Variants in HNRNPA3 observed in about 807,000 individuals in gnomAD.
HNRNPA3 encodes the protein heterogeneous nuclear ribonucleoprotein A3, also known as epididymis secretory sperm binding protein.
In HNRNPA3, 3 loss-of-function variants were observed where a neutral mutation model predicts 45.8. That is an observed-to-expected ratio of 0.07 (90% CI 0.03 to 0.17). The LOEUF is 0.17. HNRNPA3 is among the 10% of genes least tolerant of loss of function. The pLI, the probability that HNRNPA3 is intolerant of heterozygous loss-of-function variation, is 1.00. For missense variants in HNRNPA3, 183 were observed against 480.3 expected, an observed-to-expected ratio of 0.38 and a Z score of 5.79; for synonymous variants, 170 against 155.6, an observed-to-expected ratio of 1.09 and a Z score of -0.69.
intron 8 of HNRNPA3, among the ~76,000 whole-genome samples, chr2:177,218,104 C>G (rs1196588521): frequency 7.3e-6 from 1 of 137,336 alleles, no homozygotes; most frequent in Non-Finnish European, 1.5e-5. Context: ...CTCTGTTGCC[C>G]AGGCTGGAGT....
At chr2:177,223,373 T>C (rs1285981132), downstream of HNRNPA3, 1 of 152,032 alleles carries the variant, frequency 6.6e-6, no homozygotes, top group Non-Finnish European at 1.5e-5. Flanking sequence ...AAAACTACAG[T>C]ATTCTCAGAA....
At chr2:177,213,629 C>G (rs113272564) in intron 1 of HNRNPA3, among the ~76,000 whole-genome samples, 137 of 152,370 alleles carry the variant, frequency 9.0e-4, no homozygotes, top group Non-Finnish European at 1.6e-3. Flanking sequence ...GGGCGAAGGA[C>G]TTAATTTTTG....
At position 177,216,783 on chromosome 2, in the gene HNRNPA3, A is replaced by G. The variant is rs1688959247; in HGVS notation, c.739+12A>G. On this transcript the variant is annotated intron_variant, in intron 6 of 10. Coordinates refer to ENST00000392524, the Ensembl canonical transcript of HNRNPA3. Reference sequence around the variant, plus strand: ...CTTTGGTGGAAGAGGTAGGCTGTTTATCTTCTAAGTACATGGATACCTGAC... The same window carrying G: ...CTTTGGTGGAAGAGGTAGGCTGTTTGTCTTCTAAGTACATGGATACCTGAC... 1.2e-6 allele frequency: 2 copies of G among 1,614,116 alleles called. No individual in the cohort carries two copies. The highest frequency in any genetic ancestry group is 8.5e-7 in the Non-Finnish European group (1 of 1,179,978).
chr2:177,219,207 A>G, intron 9 of HNRNPA3, 40 bp from the exon 10 acceptor site: 2 of 1,610,498 alleles, frequency 1.2e-6, no homozygotes, highest in Non-Finnish European at 1.7e-6. Flanking sequence ...TAATTTAAAA[A>G]ATGTGCATAC....
chr2:177,213,787 A>G (rs1574236722), intron 1 of HNRNPA3, among the ~76,000 whole-genome samples: 2 of 152,356 alleles, frequency 1.3e-5, no homozygotes, highest in South Asian at 4.1e-4. Flanking sequence ...CCATTCTTTG[A>G]GTCGGCTCTG....
chr2:177,217,514 A>G (rs1268959030), intron 7 of HNRNPA3, among the ~76,000 whole-genome samples, 191 bp from the exon 8 acceptor site: 1 of 152,240 alleles, frequency 6.6e-6, no homozygotes, highest in Non-Finnish European at 1.5e-5. Context: ...CCCATAGTCT[A>G]GCTACTCAGG....
intron 7 of HNRNPA3, 41 bp downstream of exon 7, chr2:177,216,981 TC>T (rs760067853): frequency 2.4e-5 from 34 of 1,430,736 alleles, no homozygotes; most frequent in Non-Finnish European, 3.0e-5. Context: ...ATTTTAACTT[TC>T]TTTACTTATT....
At chr2:177,217,939 C>G (rs747834971) in intron 8 of HNRNPA3, 94 bp downstream of exon 8, 1 of 1,217,172 alleles carries the variant, frequency 8.2e-7, no homozygotes, top group Non-Finnish European at 1.1e-6. Flanking sequence ...AGCGTTTGAT[C>G]AAATTTTATG....
intron 3 of HNRNPA3, 33 bp downstream of exon 3, chr2:177,215,929 ATTG>A (rs748310743): frequency 5.6e-6 from 9 of 1,596,332 alleles, no homozygotes; most frequent in South Asian, 1.1e-5. Flanking sequence ...AATATGTGAA[ATTG>A]TTGTGAAAGT....
exon 9 of HNRNPA3, chr2:177,219,124 G>A (rs1273393306): frequency 3.7e-6 from 6 of 1,614,158 alleles, no homozygotes; most frequent in South Asian, 1.1e-5. Flanking sequence ...AAAGGGGGCA[G>A]TTTTGGTGGA....
At chr2:177,217,682 CTT>C in intron 7 of HNRNPA3, 21 bp from the exon 8 acceptor site, 1 of 1,611,876 alleles carries the variant, frequency 6.2e-7, no homozygotes, top group East Asian at 2.2e-5. Context: ...TTTGTGTGGT[CTT>C]GTTATTTGTT....
downstream of HNRNPA3, chr2:177,222,345 T>G (rs1689216914): frequency 6.6e-6 from 1 of 152,238 alleles, no homozygotes; most frequent in Non-Finnish European, 1.5e-5. Context: ...TCAAGTCAGT[T>G]GTGACTCCTT....
At chr2:177,216,324 C>T (rs1456421907) in intron 4 of HNRNPA3, 136 bp downstream of exon 4, 2 of 724,054 alleles carry the variant, frequency 2.8e-6, no homozygotes, top group South Asian at 1.8e-5. Flanking sequence ...TAGTGTCTGC[C>T]TGTGTAATCA....
exon 8 of HNRNPA3, chr2:177,217,814 T>A: frequency 6.3e-7 from 1 of 1,597,490 alleles, no homozygotes; most frequent in Non-Finnish European, 8.5e-7. Flanking sequence ...GAGGATATGA[T>A]GGTTACAATG....
chr2:177,214,378 GT>G (rs998676630), intron 1 of HNRNPA3, among the ~76,000 whole-genome samples: 11 of 151,608 alleles, frequency 7.3e-5, no homozygotes, highest in African/African-American at 2.7e-4. Flanking sequence ...TTTTTCCTCA[GT>G]TTTTTTGGGA....
chr2:177,219,170 T>A lies in HNRNPA3; in HGVS notation c.1084+11T>A, dbSNP rs760288105. On this transcript the variant is annotated intron_variant, in intron 9 of 10. Transcript: ENST00000392524. ...GCAGTCCCTATGGTGGTAAGTACTTTCTTAAATCAATTCTTTAGAGCCTTT... is the reference window on the plus strand; with the variant it reads ...GCAGTCCCTATGGTGGTAAGTACTTACTTAAATCAATTCTTTAGAGCCTTT... The A allele has an allele frequency of 6.2e-7, 1 of 1,612,300 alleles. No individual in the cohort carries two copies. Among genetic ancestry groups the A allele is most frequent in the East Asian group, 2.2e-5 (1 of 44,872 alleles).
chr2:177,219,909 A>G (rs537368829), exon 11 of HNRNPA3: 2 of 152,808 alleles, frequency 1.3e-5, no homozygotes, highest in South Asian at 2.1e-4. Context: ...GAATTTTGCT[A>G]AAGTTAACTG....
chr2:177,216,353 A>G lies in HNRNPA3; in HGVS notation c.554-150A>G, dbSNP rs186579663. ...GTAATCAGTATCCAGATCAAGAAAT[A>G]AACATAAACATCTCAGAATGCTCCT... On this transcript the variant is annotated intron_variant, in intron 4 of 10. Coordinates refer to ENST00000392524, the Ensembl canonical transcript of HNRNPA3. 5 of 724,580 alleles carry G rather than the reference A, an allele frequency of 6.9e-6. No homozygotes were observed. The East Asian group carries it at 1.3e-4, about 19-fold the overall frequency. 44.9% of individuals were successfully genotyped at this position (724,580 alleles called of 1,614,324 possible). A position where few individuals can be genotyped will look rare whatever the true frequency, so the allele number is the denominator to read the frequency against.
intron 1 of HNRNPA3, among the ~76,000 whole-genome samples, chr2:177,214,980 T>G (rs1287166901): frequency 6.6e-6 from 1 of 152,262 alleles, no homozygotes; most frequent in African/African-American, 2.4e-5. Flanking sequence ...TTTTTGATTC[T>G]GGAATTGTCT....
Sources: gnomAD v4.1 joint callset for allele counts (sites outside exome capture counted in the v4.1 genomes callset) on GRCh38, gnomAD v4.1.1 for gene constraint, MANE v1.5 for transcripts, NCBI Gene and HGNC (gene_info 2026-07-23, HGNC 2026-07-21) for gene names.